The following SUGCT variants were observed in gnomAD, a reference collection of about 807,000 sequenced individuals.
The protein encoded by SUGCT is succinyl-CoA:glutarate CoA-transferase.
A neutral mutation model predicts 55.0 loss-of-function variants in SUGCT; 41 were observed. The observed-to-expected ratio is 0.74, with a 90% CI of 0.58 to 0.97. The LOEUF (loss-of-function observed/expected upper bound fraction) is 0.97, where lower values mean the gene tolerates loss of function less well. Ranked by LOEUF, SUGCT falls within the 50% of genes least tolerant of loss-of-function variation. The pLI is 0.00. For synonymous variants in SUGCT, 187 were observed against 200.4 expected, an observed-to-expected ratio of 0.93 and a Z score of 0.56; for missense variants, 568 against 547.8, an observed-to-expected ratio of 1.04 and a Z score of -0.37.
chr7:40,716,706 A>C (rs1028231889), intron 12 of SUGCT, among the ~76,000 whole-genome samples: 1 of 152,124 alleles, frequency 6.6e-6, no homozygotes, highest in African/African-American at 2.4e-5. Flanking sequence ...AATCAGAGAA[A>C]TCATGGACAT....
At chr7:40,448,831 A>G (rs1051129798) in intron 9 of SUGCT, among the ~76,000 whole-genome samples, 7 of 152,100 alleles carry the variant, frequency 4.6e-5, no homozygotes, top group African/African-American at 1.4e-4. Flanking sequence ...CCTGGGTGAC[A>G]GAGACAGACC....
intron 13 of SUGCT, among the ~76,000 whole-genome samples, chr7:40,816,978 GAGTTA>G (rs1174673836): frequency 1.3e-5 from 2 of 152,206 alleles, no homozygotes; most frequent in Non-Finnish European, 2.9e-5. Context: ...GATGAGAATA[GAGTTA>G]AGTTAAAAGT....
chr7:40,605,366 A>C (rs1798472471), intron 12 of SUGCT, among the ~76,000 whole-genome samples: 1 of 152,052 alleles, frequency 6.6e-6, no homozygotes, highest in Non-Finnish European at 1.5e-5. Context: ...CACACAAAGA[A>C]TTACCTAGTA....
At chr7:40,905,079 A>C in the SUGCT span, among the ~76,000 whole-genome samples, 1 of 152,340 alleles carries the variant, frequency 6.6e-6, no homozygotes, top group Middle Eastern at 3.4e-3. Context: ...TAATAGGATA[A>C]CAATTTTCGA....
At chr7:40,593,224 A>C (rs939974993) in intron 12 of SUGCT, among the ~76,000 whole-genome samples, 1 of 152,184 alleles carries the variant, frequency 6.6e-6, no homozygotes, top group Non-Finnish European at 1.5e-5. Context: ...CTTGGCCTAG[A>C]GCCCGTGGGA....
At chr7:40,393,879 A>G (rs543419103) in intron 9 of SUGCT, among the ~76,000 whole-genome samples, 5 of 152,326 alleles carry the variant, frequency 3.3e-5, no homozygotes, top group Admixed American at 2.6e-4. Flanking sequence ...CTTGAAAATG[A>G]ATGTGGTGAG....
At chr7:40,529,239 G>A (rs1793960650) in intron 12 of SUGCT, among the ~76,000 whole-genome samples, 1 of 152,220 alleles carries the variant, frequency 6.6e-6, no homozygotes, top group Admixed American at 6.5e-5. Context: ...ACCTGGGGGA[G>A]GTTGTAGACC....
At chr7:40,664,106 A>G (rs932278315) in intron 12 of SUGCT, among the ~76,000 whole-genome samples, 1 of 152,212 alleles carries the variant, frequency 6.6e-6, no homozygotes, top group African/African-American at 2.4e-5. Flanking sequence ...TAACGTCCTC[A>G]GAAGGAACCG....
the SUGCT span, among the ~76,000 whole-genome samples, chr7:40,994,196 C>A: frequency 1.3e-5 from 2 of 152,116 alleles, no homozygotes; most frequent in Non-Finnish European, 2.9e-5. Context: ...CAGAGCATGA[C>A]CCCATGGCCC....
rs561542273 is a variant in SUGCT at position 40,583,330 on chromosome 7, AT to A, written c.1089+86954del. 1.1e-4 allele frequency among the ~76,000 whole-genome samples: 16 copies of A among 150,000 alleles called. No individual in the cohort carries two copies. In the East Asian group the frequency reaches 1.6e-3, roughly 15 times the overall value. ...AGTATAGAGGGAGATAGATTTTTCA[AT>A]TTTTTTTTTCAATTTTAGAAACTCT... On this transcript the variant is annotated intron_variant, in intron 12 of 13. Coordinates refer to ENST00000335693, the MANE Select transcript of SUGCT (RefSeq NM_001193313.2).
intron 9 of SUGCT, among the ~76,000 whole-genome samples, chr7:40,417,996 C>T (rs564712162): frequency 6.6e-5 from 10 of 151,898 alleles, no homozygotes; most frequent in East Asian, 1.9e-4. Context: ...ATATTTCACA[C>T]GAGTCAAAGC....
At chr7:40,153,642 G>A in intron 1 of SUGCT, 1 of 523,148 alleles carries the variant, frequency 1.9e-6, no homozygotes, top group Non-Finnish European at 3.9e-6. Flanking sequence ...TCCAATGTGT[G>A]GAACAGGGGC....
At chr7:40,180,136 T>A (rs1785113715) in intron 1 of SUGCT, among the ~76,000 whole-genome samples, 3 of 152,158 alleles carry the variant, frequency 2.0e-5, no homozygotes, top group Admixed American at 1.3e-4. Context: ...GTAATTTTTT[T>A]TTTTTTGAGA....
At chr7:40,263,585 G>A (rs939020994) in intron 7 of SUGCT, among the ~76,000 whole-genome samples, 2 of 152,158 alleles carry the variant, frequency 1.3e-5, no homozygotes, top group African/African-American at 4.8e-5. Context: ...TTGCTTGCTT[G>A]TAAGCCTTGT....
intron 13 of SUGCT, among the ~76,000 whole-genome samples, chr7:40,780,772 CT>C (rs1789702105): frequency 8.1e-6 from 1 of 122,946 alleles, no homozygotes; most frequent in Admixed American, 8.8e-5. Flanking sequence ...TCTTCTTCTT[CT>C]TCTTTTTTTT....
chr7:40,590,803 T>A (rs183513064), intron 12 of SUGCT, among the ~76,000 whole-genome samples: 2 of 152,336 alleles, frequency 1.3e-5, no homozygotes, highest in East Asian at 3.9e-4. Flanking sequence ...AAATCTACCT[T>A]GCCTGTGCTC....
chr7:40,252,691 A>G (rs1157583477), intron 7 of SUGCT, among the ~76,000 whole-genome samples: 1 of 151,944 alleles, frequency 6.6e-6, no homozygotes, highest in Admixed American at 6.6e-5. Context: ...TGTGTCACCC[A>G]GGCTGGAGTG....
At chr7:40,374,345 A>G (rs929403714) in intron 9 of SUGCT, among the ~76,000 whole-genome samples, 1 of 152,168 alleles carries the variant, frequency 6.6e-6, no homozygotes, top group Non-Finnish European at 1.5e-5. Flanking sequence ...CATTTTACAG[A>G]TGAGGAAGCT....
intron 1 of SUGCT, 141 bp from the exon 2 acceptor site, chr7:40,180,806 A>G (rs1785153515): frequency 6.2e-6 from 4 of 644,456 alleles, no homozygotes; most frequent in Admixed American, 5.4e-5. Context: ...AGTATTCTTT[A>G]CTAGAGTCTT....
Sources: gnomAD v4.1 joint callset for allele counts (sites outside exome capture counted in the v4.1 genomes callset) on GRCh38, gnomAD v4.1.1 for gene constraint, MANE v1.5 for transcripts, NCBI Gene and HGNC (gene_info 2026-07-23, HGNC 2026-07-21) for gene names.